CPAMD8: variants seen among roughly 807,000 people sequenced by gnomAD.
The protein encoded by CPAMD8 is C3 and PZP-like alpha-2-macroglobulin domain-containing protein 8.
A neutral mutation model predicts 224.7 loss-of-function variants in CPAMD8; 146 were observed. The observed-to-expected ratio is 0.65, with a 90% CI of 0.57 to 0.75. CPAMD8 has a LOEUF of 0.75. CPAMD8 is among the 30% of genes least tolerant of loss of function. The pLI is 0.00. For synonymous variants in CPAMD8, 966 were observed against 1,044.6 expected (o/e 0.92, Z 1.45); for missense variants, 2,301 against 2,537.5 (o/e 0.91, Z 2.00).
chr19:16,909,732 G>A (rs1335692111), intron 29 of CPAMD8, among the ~76,000 whole-genome samples: 1 of 121,416 alleles, frequency 8.2e-6, no homozygotes, highest in South Asian at 2.9e-4. Flanking sequence ...CAATAAGAGC[G>A]AAACTTCGTC....
At chr19:16,895,416 G>A (rs932940205) in intron 41 of CPAMD8, 2 of 168,744 alleles carry the variant, frequency 1.2e-5, no homozygotes, top group South Asian at 2.8e-4. Flanking sequence ...GTGAATGCAA[G>A]GGAATCATGC....
intron 10 of CPAMD8, among the ~76,000 whole-genome samples, chr19:16,997,779 G>A (rs1381565515): frequency 6.6e-6 from 1 of 152,080 alleles, no homozygotes; most frequent in East Asian, 1.9e-4. Context: ...TTGAACCCAG[G>A]AGGCAGAGGT....
intron 20 of CPAMD8, among the ~76,000 whole-genome samples, chr19:16,949,624 C>A (rs2054235753): frequency 6.6e-6 from 1 of 152,194 alleles, no homozygotes; most frequent in Non-Finnish European, 1.5e-5. Flanking sequence ...GAGCCTCTGA[C>A]CTCCTCGTCC....
intron 3 of CPAMD8, among the ~76,000 whole-genome samples, chr19:17,015,212 A>G (rs1166250705): frequency 6.6e-6 from 1 of 152,230 alleles, no homozygotes; most frequent in South Asian, 2.1e-4. Flanking sequence ...GCTGCACTCC[A>G]GCCTAGGTGA....
Position 16,919,210 on chromosome 19 carries a change from G to GA in CPAMD8, c.3629+2694dup, listed in dbSNP as rs71180344. ...AGGGTGAGACCCCATCTCAAAAAAAGAAAAAAAAAAAGGAATAGAATAGAA... is the reference window on the plus strand; with the variant it reads ...AGGGTGAGACCCCATCTCAAAAAAAGAAAAAAAAAAAAGGAATAGAATAGAA... On this transcript the variant is annotated intron_variant, in intron 27 of 41. Transcript: ENST00000443236. Among the ~76,000 whole-genome samples, 105 of 146,786 alleles carry GA rather than the reference G, an allele frequency of 7.2e-4. 1 individual carries two copies. Among genetic ancestry groups the GA allele is most frequent in the East Asian group, 3.4e-3 (17 of 5,040 alleles).
intron 20 of CPAMD8, among the ~76,000 whole-genome samples, chr19:16,947,532 G>A (rs1206357223): frequency 1.3e-5 from 2 of 152,174 alleles, no homozygotes; most frequent in Non-Finnish European, 2.9e-5. Context: ...TCCAGCCAGG[G>A]CTGCCTCTCC....
intron 3 of CPAMD8, among the ~76,000 whole-genome samples, chr19:17,012,478 G>C (rs541377373): frequency 2.6e-5 from 4 of 151,624 alleles, no homozygotes; most frequent in African/African-American, 9.7e-5. Flanking sequence ...CTCCCAAAGA[G>C]CTGGGACTAC....
chr19:16,952,605 T>G (rs2122378038), intron 19 of CPAMD8, among the ~76,000 whole-genome samples: 1 of 152,114 alleles, frequency 6.6e-6, no homozygotes, highest in East Asian at 1.9e-4. Flanking sequence ...TGAGCCCAGG[T>G]GGTCGAGGGT....
chr19:16,916,338 C>G (rs906324596), intron 27 of CPAMD8, among the ~76,000 whole-genome samples: 4 of 151,974 alleles, frequency 2.6e-5, no homozygotes, highest in Non-Finnish European at 5.9e-5. Context: ...CAGGGTCAAG[C>G]AATTCTCGTG....
At chr19:16,960,299 C>A (rs554330622) in intron 18 of CPAMD8, among the ~76,000 whole-genome samples, 1 of 152,234 alleles carries the variant, frequency 6.6e-6, no homozygotes, top group East Asian at 1.9e-4. Flanking sequence ...TAGGAGCAGA[C>A]CCCGGAAACA....
Position 16,913,279 on chromosome 19 carries a change from G to A in CPAMD8, c.3861+1145C>T, listed in dbSNP as rs562781645. Among the ~76,000 whole-genome samples, 13 of 152,284 alleles carry A rather than the reference G, an allele frequency of 8.5e-5. No homozygotes were observed. In the South Asian group the frequency reaches 1.7e-3, roughly 19 times the overall value. The stretch of plus-strand genomic sequence containing the variant: ...GTGTGATCTTCCTCAGAATCCATAT[G>A]TTGAAGCTCTAACTCCTAATATGAT... On this transcript the variant is annotated intron_variant, in intron 29 of 41. Transcript: ENST00000443236.
intron 18 of CPAMD8, among the ~76,000 whole-genome samples, chr19:16,961,483 G>T (rs1025207872): frequency 2.0e-5 from 3 of 152,254 alleles, no homozygotes; most frequent in African/African-American, 7.2e-5. Flanking sequence ...CCATTGCTGA[G>T]GCTGGAGTAA....
At chr19:16,961,832 AGCAATATTTGCTGTTCT>A (rs954345469) in intron 18 of CPAMD8, among the ~76,000 whole-genome samples, 6 of 152,256 alleles carry the variant, frequency 3.9e-5, no homozygotes, top group Non-Finnish European at 7.3e-5. Context: ...AGGATCAGGC[AGCAATATTTGCTGTTCT>A]GCAATATTTG....
chr19:16,937,724 C>T (rs998455450), intron 23 of CPAMD8, among the ~76,000 whole-genome samples: 2 of 149,438 alleles, frequency 1.3e-5, no homozygotes, highest in African/African-American at 5.0e-5. Context: ...GTGATCTCGG[C>T]TCACTGCAAC....
At chr19:16,913,397 T>C (rs1435279405) in intron 29 of CPAMD8, among the ~76,000 whole-genome samples, 1 of 152,064 alleles carries the variant, frequency 6.6e-6, no homozygotes, top group Non-Finnish European at 1.5e-5. Flanking sequence ...AGTGTCCTTA[T>C]ATGAAGAGGA....
At chr19:16,980,833 TG>T (rs756757962) in intron 13 of CPAMD8, 147 bp from the exon 14 acceptor site, 21 of 521,868 alleles carry the variant, frequency 4.0e-5, no homozygotes, top group Non-Finnish European at 6.5e-5. Flanking sequence ...CTAGCTTTTT[TG>T]TTTTTTGTTT....
In CPAMD8 at chr19:16,894,267, C is replaced by T. The variant is rs540407083; in HGVS notation, c.5427-928G>A. On this transcript the variant is annotated intron_variant, in intron 41 of 41. Transcript: ENST00000443236. ...GGTCCCAAGAGTCTCATCCTAGGGACGGGCAGATCTCTGTCATTCTGTTCC... is the reference window on the plus strand; with the variant it reads ...GGTCCCAAGAGTCTCATCCTAGGGATGGGCAGATCTCTGTCATTCTGTTCC... The T allele has an allele frequency of 1.1e-4, 44 of 394,058 alleles. 1 individual carries two copies. In the Middle Eastern group the frequency reaches 9.1e-3, roughly 82 times the overall value. 24.4% of individuals were successfully genotyped at this position (394,058 alleles called of 1,614,324 possible). A position where few individuals can be genotyped will look rare whatever the true frequency, so the allele number is the denominator to read the frequency against.
At chr19:16,896,410 A>C in intron 40 of CPAMD8, 46 bp downstream of exon 40, 1 of 1,492,776 alleles carries the variant, frequency 6.7e-7, no homozygotes, top group Non-Finnish European at 8.9e-7. Flanking sequence ...GGCCCAGAGC[A>C]GCAGCGATGG....
chr19:16,895,936 TGC>T, intron 41 of CPAMD8: 1 of 617,108 alleles, frequency 1.6e-6, no homozygotes, highest in South Asian at 1.5e-5. Context: ...CACGCGCGCG[TGC>T]GCCCGCGCAC....
Sources: gnomAD v4.1 joint callset for allele counts (sites outside exome capture counted in the v4.1 genomes callset) on GRCh38, gnomAD v4.1.1 for gene constraint, MANE v1.5 for transcripts, NCBI Gene and HGNC (gene_info 2026-07-23, HGNC 2026-07-21) for gene names.